EDIL3: variants seen among roughly 807,000 people sequenced by gnomAD.
EDIL3 encodes EGF like and discoidin domains 3.
A neutral mutation model predicts 67.4 loss-of-function variants in EDIL3; 37 were observed. The observed-to-expected ratio is 0.55, with a 90% CI of 0.42 to 0.72. EDIL3 has a LOEUF of 0.72. EDIL3 is among the 30% of genes least tolerant of loss of function. EDIL3 has a pLI of 0.00. For missense variants in EDIL3, 527 were observed against 586.3 expected, an observed-to-expected ratio of 0.90 and a Z score of 1.04; for synonymous variants, 195 against 196.3, an observed-to-expected ratio of 0.99 and a Z score of 0.05.
rs141982964 is a variant in EDIL3 at position 84,268,205 on chromosome 5, A to C, written c.68-13993T>G. 2.0e-5 allele frequency among the ~76,000 whole-genome samples: 3 copies of C among 152,236 alleles called. No individual in the cohort carries two copies. The East Asian group carries it at 5.8e-4, about 29-fold the overall frequency. On this transcript the variant is annotated intron_variant, in intron 1 of 10. Coordinates refer to ENST00000296591, the MANE Select transcript of EDIL3 (RefSeq NM_005711.5). ...GCCAAAAAGAGTTAACTGTCCTTTG[A>C]TAATGATCCTATCTCATGGCAGGTG...
chr5:83,949,352 G>C (rs893861685), intron 10 of EDIL3, among the ~76,000 whole-genome samples: 1 of 151,808 alleles, frequency 6.6e-6, no homozygotes, highest in Non-Finnish European at 1.5e-5. Flanking sequence ...CAACCAAAAT[G>C]TATACATAAG....
intron 9 of EDIL3, among the ~76,000 whole-genome samples, chr5:84,033,938 TA>T (rs1006050861): frequency 5.9e-5 from 9 of 151,912 alleles, no homozygotes; most frequent in Non-Finnish European, 7.4e-5. Context: ...AGGGAGGGAA[TA>T]GGGGGCACTA....
At chr5:84,059,071 T>A (rs951201198) in intron 9 of EDIL3, among the ~76,000 whole-genome samples, 11 of 151,892 alleles carry the variant, frequency 7.2e-5, no homozygotes, top group Admixed American at 7.2e-4. Flanking sequence ...TTTCTACTTG[T>A]GAGTATAAGA....
intron 7 of EDIL3, 131 bp from the exon 8 acceptor site, chr5:84,064,975 T>C (rs1305706825): frequency 2.5e-6 from 3 of 1,182,200 alleles, no homozygotes; most frequent in Non-Finnish European, 3.4e-6. Flanking sequence ...GCATGGAGCA[T>C]TTGAGAAGTG....
chr5:84,240,238 C>A (rs918601522), intron 2 of EDIL3, among the ~76,000 whole-genome samples: 2 of 152,034 alleles, frequency 1.3e-5, no homozygotes, highest in African/African-American at 4.8e-5. Context: ...ACAATGTAAT[C>A]CTCAAAAGAA....
chr5:84,258,708 C>T (rs1337646293), intron 1 of EDIL3, among the ~76,000 whole-genome samples: 1 of 152,152 alleles, frequency 6.6e-6, no homozygotes, highest in East Asian at 1.9e-4. Flanking sequence ...ACCATCATAT[C>T]TCAGCCTATT....
At chr5:84,324,802 C>G (rs1197463183) in intron 1 of EDIL3, among the ~76,000 whole-genome samples, 1 of 151,418 alleles carries the variant, frequency 6.6e-6, no homozygotes, top group African/African-American at 2.4e-5. Context: ...AATTACATAT[C>G]TTAGATAAAA....
intron 9 of EDIL3, among the ~76,000 whole-genome samples, chr5:84,001,272 C>T (rs1029383147): frequency 6.6e-6 from 1 of 152,102 alleles, no homozygotes; most frequent in African/African-American, 2.4e-5. Flanking sequence ...TGGTCTCAAA[C>T]TTCAGACCTC....
chr5:84,128,234 T>C (rs1322469601), intron 5 of EDIL3, among the ~76,000 whole-genome samples: 2 of 152,120 alleles, frequency 1.3e-5, no homozygotes, highest in African/African-American at 4.8e-5. Context: ...CAGGAAATCA[T>C]GCCATCGTTT....
intron 9 of EDIL3, among the ~76,000 whole-genome samples, chr5:83,971,145 T>C (rs1340201256): frequency 6.6e-6 from 1 of 151,888 alleles, no homozygotes; most frequent in Non-Finnish European, 1.5e-5. Flanking sequence ...TTTTAACATA[T>C]ATTTTAATCT....
At chr5:84,359,325 A>C (rs754579772) in intron 1 of EDIL3, among the ~76,000 whole-genome samples, 26 of 152,252 alleles carry the variant, frequency 1.7e-4, no homozygotes, top group Non-Finnish European at 3.5e-4. Flanking sequence ...TGGTCAGATA[A>C]GTATTTAACT....
At chr5:84,206,331 A>C (rs2112383841) in intron 3 of EDIL3, among the ~76,000 whole-genome samples, 1 of 152,130 alleles carries the variant, frequency 6.6e-6, no homozygotes, top group South Asian at 2.1e-4. Flanking sequence ...CTTTACTTCC[A>C]AGTATGTGGT....
chr5:84,241,061 A>G (rs758837545), intron 2 of EDIL3, among the ~76,000 whole-genome samples: 7 of 152,202 alleles, frequency 4.6e-5, no homozygotes, highest in Non-Finnish European at 1.0e-4. Context: ...GATTCCTAGG[A>G]CAGGAAGTGA....
Position 84,001,800 on chromosome 5 carries a change from G to T in EDIL3, c.1138-38440C>A, listed in dbSNP as rs76520629. 7.6e-3 allele frequency among the ~76,000 whole-genome samples: 1,151 copies of T among 152,180 alleles called. 14 individuals carry two copies. Among genetic ancestry groups the T allele is most frequent in the African/African-American group, 0.026 (1,100 of 41,540 alleles). On this transcript the variant is annotated intron_variant, in intron 9 of 10. Coordinates refer to ENST00000296591, the MANE Select transcript of EDIL3 (RefSeq NM_005711.5). Reference sequence around the variant, plus strand: ...AATCTCCCATCAAAGGGGACTTAATGGCTTCACTGCTGGATTCTACCAAAC... The same window carrying T: ...AATCTCCCATCAAAGGGGACTTAATTGCTTCACTGCTGGATTCTACCAAAC...
At chr5:84,259,022 C>T (rs1021082787) in intron 1 of EDIL3, among the ~76,000 whole-genome samples, 21 of 136,614 alleles carry the variant, frequency 1.5e-4, no homozygotes, top group Admixed American at 6.4e-4. Context: ...TGCAGTGGCG[C>T]GATCTCAGCT....
At chr5:84,347,398 A>T (rs539641526) in intron 1 of EDIL3, among the ~76,000 whole-genome samples, 1 of 152,330 alleles carries the variant, frequency 6.6e-6, no homozygotes, top group African/African-American at 2.4e-5. Flanking sequence ...ATACCTAATT[A>T]ACATTTCCAG....
At chr5:84,311,898 T>C (rs1379589608) in intron 1 of EDIL3, among the ~76,000 whole-genome samples, 3 of 152,140 alleles carry the variant, frequency 2.0e-5, no homozygotes, top group Non-Finnish European at 2.9e-5. Flanking sequence ...ATCAACAGGA[T>C]CACAAGGCAG....
At chr5:84,372,378 G>A (rs1032598690) in intron 1 of EDIL3, among the ~76,000 whole-genome samples, 3 of 152,142 alleles carry the variant, frequency 2.0e-5, no homozygotes, top group African/African-American at 7.2e-5. Flanking sequence ...TAAAAGGAGA[G>A]ATGAAACTAT....
At chr5:84,299,412 C>T (rs1164005052) in intron 1 of EDIL3, among the ~76,000 whole-genome samples, 1 of 152,038 alleles carries the variant, frequency 6.6e-6, no homozygotes, top group African/African-American at 2.4e-5. Flanking sequence ...AAGTATAAAA[C>T]TCTGAAAATG....
Sources: gnomAD v4.1 joint callset for allele counts (sites outside exome capture counted in the v4.1 genomes callset) on GRCh38, gnomAD v4.1.1 for gene constraint, MANE v1.5 for transcripts, NCBI Gene and HGNC (gene_info 2026-07-23, HGNC 2026-07-21) for gene names.